SPPL3: variants seen among roughly 807,000 people sequenced by gnomAD.
The protein encoded by SPPL3 is signal peptide peptidase like 3.
In SPPL3, 5 loss-of-function variants were observed where a neutral mutation model predicts 42.4. The observed-to-expected ratio is 0.12, with a 90% CI of 0.06 to 0.25. The LOEUF (loss-of-function observed/expected upper bound fraction) is 0.25, where lower values mean the gene tolerates loss of function less well. SPPL3 is among the 10% of genes least tolerant of loss of function. The pLI is 1.00. For missense variants in SPPL3, 235 were observed against 489.0 expected (o/e 0.48, Z 4.90); for synonymous variants, 195 against 181.8 (o/e 1.07, Z -0.58).
chr12:120,860,257 T>C (rs1389899177), intron 1 of SPPL3, among the ~76,000 whole-genome samples: 3 of 152,142 alleles, frequency 2.0e-5, no homozygotes, highest in African/African-American at 7.2e-5. Flanking sequence ...ATAAAGATTA[T>C]ATCACATTAT....
chr12:120,861,005 C>T (rs771298949), intron 1 of SPPL3, among the ~76,000 whole-genome samples: 9 of 152,164 alleles, frequency 5.9e-5, no homozygotes, highest in Non-Finnish European at 1.2e-4. Flanking sequence ...CTCCACAGGA[C>T]TCTCATATAC....
chr12:120,840,642 G>C (rs1871788593), intron 1 of SPPL3, among the ~76,000 whole-genome samples: 1 of 151,984 alleles, frequency 6.6e-6, no homozygotes, highest in Admixed American at 6.6e-5. Flanking sequence ...GACCAGCCTG[G>C]GCAATATGGA....
At chr12:120,848,581 G>A (rs1363084812) in intron 1 of SPPL3, among the ~76,000 whole-genome samples, 1 of 152,122 alleles carries the variant, frequency 6.6e-6, no homozygotes, top group Admixed American at 6.5e-5. Context: ...TATTATTTTA[G>A]AATTGCTGTA....
chr12:120,781,572 T>G (rs614071), intron 6 of SPPL3, among the ~76,000 whole-genome samples: 19,651 of 88,266 alleles, frequency 0.22, 3,192 homozygotes, highest in Admixed American at 0.25. Flanking sequence ...TTTTTTTTTT[T>G]TTTTTTTTTT....
At chr12:120,803,416 T>C (rs552505264) in intron 2 of SPPL3, among the ~76,000 whole-genome samples, 3 of 152,318 alleles carry the variant, frequency 2.0e-5, no homozygotes, top group Admixed American at 6.5e-5. Flanking sequence ...TTGAAAGTTA[T>C]ACTCGTTCAT....
intron 1 of SPPL3, among the ~76,000 whole-genome samples, chr12:120,893,652 C>T (rs1873713602): frequency 6.6e-6 from 1 of 152,110 alleles, no homozygotes. Context: ...CAATAGCCTG[C>T]TTTTTCTTCA....
At chr12:120,773,322 C>T (rs942694172) in intron 6 of SPPL3, among the ~76,000 whole-genome samples, 3 of 152,202 alleles carry the variant, frequency 2.0e-5, no homozygotes, top group Admixed American at 6.5e-5. Flanking sequence ...GGAAGCCCAT[C>T]GGGCCAGAGC....
chr12:120,769,242 C>A, intron 6 of SPPL3, 183 bp from the exon 7 acceptor site: 1 of 533,078 alleles, frequency 1.9e-6, no homozygotes, highest in Non-Finnish European at 3.4e-6. Flanking sequence ...CCTGTTTGGA[C>A]TTGTGGAATT....
intron 10 of SPPL3, among the ~76,000 whole-genome samples, chr12:120,765,289 ATTTTTT>A (rs11290474): frequency 6.9e-6 from 1 of 145,700 alleles, no homozygotes; most frequent in Non-Finnish European, 1.5e-5. Flanking sequence ...CCTTTCTGAT[ATTTTTT>A]TTTTTTGAGA....
At chr12:120,879,135 AGAAT>A (rs1873204122) in intron 1 of SPPL3, among the ~76,000 whole-genome samples, 1 of 149,260 alleles carries the variant, frequency 6.7e-6, no homozygotes, top group Non-Finnish European at 1.5e-5. Flanking sequence ...AAAAAAAAAA[AGAAT>A]AAGATAATAA....
intron 1 of SPPL3, among the ~76,000 whole-genome samples, chr12:120,902,496 GTGC>G (rs1874013296): frequency 1.3e-5 from 2 of 152,158 alleles, no homozygotes. Context: ...AGTTTGCCAA[GTGC>G]TTTCTAAATG....
Position 120,903,965 on chromosome 12 carries a change from C to G in SPPL3, c.-98G>C. On this transcript the variant is annotated 5_prime_UTR_variant, in exon 1 of 11. Transcript: ENST00000353487. ...CTGAAGGCGCGGCCGGGGTCCGGTG[C>G]TTGCTTGCTTGCTCGCTCGCTGGCT... 3 of 1,025,146 alleles carry G rather than the reference C, an allele frequency of 2.9e-6. No individual in the cohort carries two copies. The highest frequency in any genetic ancestry group is 3.8e-6 in the Non-Finnish European group (3 of 794,490). The allele number at this position is 1,025,146 out of a possible 1,614,324, so 63.5% of individuals were successfully genotyped here.
chr12:120,781,556 T>TGTTTTG (rs1491462310), intron 6 of SPPL3, among the ~76,000 whole-genome samples: 1 of 2,700 alleles, frequency 3.7e-4, no homozygotes, highest in African/African-American at 6.8e-4. Context: ...TATTGTTACG[T>TGTTTTG]TTTTTTTTTT....
At position 120,764,161 on chromosome 12, in the gene SPPL3, T is replaced by C. The variant is rs1868784708; in HGVS notation, c.*838A>G. On this transcript the variant is annotated 3_prime_UTR_variant, in exon 11 of 11. Transcript: ENST00000353487. ...GCTATACTAGTTTGTAACTGCGGGG[T>C]CAGTTGTGAAGGGGAAGGACAGCAG... The C allele has an allele frequency of 6.6e-6, 1 of 152,270 alleles. No individual in the cohort carries two copies. Among genetic ancestry groups the C allele is most frequent in the African/African-American group, 2.4e-5 (1 of 41,392 alleles). The allele number at this position is 152,270 out of a possible 1,614,324, so 9.4% of individuals were successfully genotyped here.
intron 1 of SPPL3, among the ~76,000 whole-genome samples, chr12:120,830,015 G>A (rs946894644): frequency 6.7e-6 from 1 of 149,756 alleles, no homozygotes; most frequent in African/African-American, 2.5e-5. Context: ...AAAAAGAAGA[G>A]TAAATTTCAC....
At chr12:120,824,557 T>C (rs970465504) in intron 1 of SPPL3, among the ~76,000 whole-genome samples, 3 of 152,212 alleles carry the variant, frequency 2.0e-5, no homozygotes, top group Non-Finnish European at 4.4e-5. Flanking sequence ...TGAGACAAGG[T>C]CTCACTCTGT....
intron 1 of SPPL3, among the ~76,000 whole-genome samples, chr12:120,826,020 G>A (rs985827358): frequency 6.0e-5 from 9 of 151,204 alleles, no homozygotes; most frequent in African/African-American, 1.2e-4. Flanking sequence ...TAGGACGGGC[G>A]CAGTGGCTCA....
At chr12:120,778,306 G>A (rs545932231) in intron 6 of SPPL3, among the ~76,000 whole-genome samples, 2 of 151,546 alleles carry the variant, frequency 1.3e-5, no homozygotes, top group Non-Finnish European at 1.5e-5. Context: ...TAGTAGAGAC[G>A]GGGTTTCACC....
rs1326697711 is a variant in SPPL3 at position 120,764,294 on chromosome 12, A to G, written c.*705T>C. On this transcript the variant is annotated 3_prime_UTR_variant, in exon 11 of 11. Coordinates refer to ENST00000353487, the MANE Select transcript of SPPL3 (RefSeq NM_139015.5). ...TCTTAGCAGGATTTCATTTTTGTTT[A>G]TTCATATATATCTATGTGTGTGTTT... 1 of 151,012 alleles carries G rather than the reference A, an allele frequency of 6.6e-6. No individual in the cohort carries two copies. The highest frequency in any genetic ancestry group is 1.5e-5 in the Non-Finnish European group (1 of 68,008). The allele number at this position is 151,012 out of a possible 1,614,324, so 9.4% of individuals were successfully genotyped here.
Sources: allele counts gnomAD v4.1 joint callset (sites outside exome capture counted in the v4.1 genomes callset), GRCh38; gene constraint gnomAD v4.1.1; transcripts MANE v1.5; gene names NCBI Gene and HGNC (gene_info 2026-07-23, HGNC 2026-07-21).